The following FAM168A variants were observed in gnomAD, a reference collection of about 807,000 sequenced individuals.
FAM168A encodes protein FAM168A.
Under a neutral mutation model 28.5 loss-of-function variants are expected in FAM168A, and 3 were observed. That is an observed-to-expected ratio of 0.11 (90% CI 0.05 to 0.27). FAM168A has a LOEUF of 0.27. Among genes scored for constraint, FAM168A ranks in the 10% least tolerant of loss-of-function variants. FAM168A has a pLI of 1.00. For synonymous variants in FAM168A, 122 were observed against 124.2 expected (o/e 0.98, Z 0.12); for missense variants, 222 against 311.5 (o/e 0.71, Z 2.16).
At chr11:73,426,988 TTTTA>T (rs1866898011) in intron 3 of FAM168A, among the ~76,000 whole-genome samples, 3 of 151,568 alleles carry the variant, frequency 2.0e-5, no homozygotes, top group African/African-American at 7.3e-5. Context: ...TGGAAATATG[TTTTA>T]TTTATTTATT....
chr11:73,564,336 C>T (rs932687807), intron 1 of FAM168A, among the ~76,000 whole-genome samples: 1 of 152,142 alleles, frequency 6.6e-6, no homozygotes, highest in African/African-American at 2.4e-5. Flanking sequence ...AAGGAAGCTA[C>T]AGAAGCAAAC....
intron 1 of FAM168A, among the ~76,000 whole-genome samples, chr11:73,582,968 CA>C (rs1944265933): frequency 6.6e-6 from 1 of 152,056 alleles, no homozygotes; most frequent in Non-Finnish European, 1.5e-5. Context: ...ACACAACGGG[CA>C]GGGAGCAAGG....
At chr11:73,547,598 G>A (rs1427393885) in intron 1 of FAM168A, among the ~76,000 whole-genome samples, 1 of 152,076 alleles carries the variant, frequency 6.6e-6, no homozygotes, top group Non-Finnish European at 1.5e-5. Context: ...GGAGTTCGAG[G>A]ATAAGAGTGT....
chr11:73,511,315 C>A (rs1186623392), intron 1 of FAM168A, among the ~76,000 whole-genome samples: 1 of 151,948 alleles, frequency 6.6e-6, no homozygotes, highest in Non-Finnish European at 1.5e-5. Context: ...CAGCTCACTG[C>A]AAGCTCTGCC....
intron 1 of FAM168A, among the ~76,000 whole-genome samples, chr11:73,513,192 G>GT (rs1222368529): frequency 3.8e-4 from 43 of 113,542 alleles, no homozygotes; most frequent in Non-Finnish European, 4.2e-4. Context: ...TCAAAGTTTT[G>GT]TTTTTTTTTT....
Position 73,409,653 on chromosome 11 carries a change from G to A in FAM168A, c.429C>T (p.Tyr143=), listed in dbSNP as rs1411734616. The change falls in exon 6 of 8, where the codon TAC becomes TAT. Residue 143 remains tyrosine (Y), a synonymous_variant. Transcript: ENST00000356467. The stretch of plus-strand genomic sequence containing the variant: ...GGGCAGCATACACCGGCTGTGTGTA[G>A]TAGGCTCCCTGGGGGAAAGAGGCTG... ...PQQNLYAQGA[Y]YTQPVYAAQP... The A allele has an allele frequency of 6.2e-7, 1 of 1,603,310 alleles. No homozygotes were observed. The highest frequency in any genetic ancestry group is 2.2e-5 in the East Asian group (1 of 44,596).
At chr11:73,504,644 C>T (rs888534748) in intron 1 of FAM168A, among the ~76,000 whole-genome samples, 4 of 152,134 alleles carry the variant, frequency 2.6e-5, no homozygotes, top group African/African-American at 9.7e-5. Context: ...CCAGTAATCC[C>T]ATTACTGGGT....
At chr11:73,546,006 A>G (rs961993702) in intron 1 of FAM168A, among the ~76,000 whole-genome samples, 2 of 152,188 alleles carry the variant, frequency 1.3e-5, no homozygotes, top group Non-Finnish European at 2.9e-5. Context: ...TTGATTCTAC[A>G]TTCACTACCT....
chr11:73,506,497 A>C (rs1855120520), intron 1 of FAM168A, among the ~76,000 whole-genome samples: 1 of 152,152 alleles, frequency 6.6e-6, no homozygotes. Flanking sequence ...TGCTCATGAA[A>C]TCCCTGTGAA....
intron 1 of FAM168A, among the ~76,000 whole-genome samples, chr11:73,579,204 A>G (rs1188108415): frequency 6.6e-6 from 1 of 152,182 alleles, no homozygotes; most frequent in East Asian, 1.9e-4. Flanking sequence ...GGGTTTCAAC[A>G]TATGAATTTT....
intron 1 of FAM168A, among the ~76,000 whole-genome samples, chr11:73,528,380 G>A (rs1171297966): frequency 2.6e-5 from 4 of 152,062 alleles, no homozygotes; most frequent in Admixed American, 2.0e-4. Flanking sequence ...CCCAATATCC[G>A]GAAAACAAAG....
At chr11:73,419,795 A>T in intron 4 of FAM168A, 79 bp downstream of exon 4, 1 of 1,542,478 alleles carries the variant, frequency 6.5e-7, no homozygotes, top group Non-Finnish European at 8.8e-7. Context: ...TCATTTTAAA[A>T]AGCTCCCTTT....
chr11:73,445,415 G>GTCTCTCTCTC (rs1565248220), intron 2 of FAM168A, among the ~76,000 whole-genome samples: 3 of 97,076 alleles, frequency 3.1e-5, no homozygotes, highest in Admixed American at 1.1e-4. Flanking sequence ...ATGTAAAAAT[G>GTCTCTCTCTC]TCTCTTTTTT....
At chr11:73,441,972 T>C (rs563094954) in intron 2 of FAM168A, among the ~76,000 whole-genome samples, 6 of 152,246 alleles carry the variant, frequency 3.9e-5, no homozygotes, top group Non-Finnish European at 7.4e-5. Flanking sequence ...TAACCAACTT[T>C]TGGTTTATTG....
At chr11:73,592,437 G>A (rs1944393667) in intron 1 of FAM168A, among the ~76,000 whole-genome samples, 1 of 152,192 alleles carries the variant, frequency 6.6e-6, no homozygotes, top group African/African-American at 2.4e-5. Context: ...ACAAAATAGA[G>A]AAAGAAATAT....
At chr11:73,564,489 A>G (rs1227293148) in intron 1 of FAM168A, among the ~76,000 whole-genome samples, 1 of 152,068 alleles carries the variant, frequency 6.6e-6, no homozygotes, top group Non-Finnish European at 1.5e-5. Context: ...CTATAATCCC[A>G]GCACTTTGGG....
At chr11:73,555,999 A>G (rs1231582557) in intron 1 of FAM168A, among the ~76,000 whole-genome samples, 1 of 152,174 alleles carries the variant, frequency 6.6e-6, no homozygotes, top group Non-Finnish European at 1.5e-5. Flanking sequence ...TTAAAAAGCA[A>G]TGGGGCTGGT....
At chr11:73,587,721 T>A (rs1166165089) in intron 1 of FAM168A, among the ~76,000 whole-genome samples, 2 of 152,106 alleles carry the variant, frequency 1.3e-5, no homozygotes, top group Admixed American at 6.6e-5. Flanking sequence ...ATATTCTATG[T>A]GAAGAAATGG....
intron 1 of FAM168A, among the ~76,000 whole-genome samples, chr11:73,516,007 A>G (rs1375132716): frequency 6.6e-6 from 1 of 151,940 alleles, no homozygotes; most frequent in Non-Finnish European, 1.5e-5. Flanking sequence ...AGGCTGAGGC[A>G]GGAGAATCGC....
Sources: gnomAD v4.1 joint callset for allele counts (sites outside exome capture counted in the v4.1 genomes callset) on GRCh38, gnomAD v4.1.1 for gene constraint, MANE v1.5 for transcripts, NCBI Gene and HGNC (gene_info 2026-07-23, HGNC 2026-07-21) for gene names.